CEP95: variants seen among roughly 807,000 people sequenced by gnomAD.
CEP95 encodes centrosomal protein 95.
A neutral mutation model predicts 111.2 loss-of-function variants in CEP95; 98 were observed. The observed-to-expected ratio is 0.88, with a 90% CI of 0.75 to 1.04. The LOEUF (loss-of-function observed/expected upper bound fraction) is 1.04. CEP95 is among the 50% of genes least tolerant of loss of function. The pLI is 0.00. For missense variants in CEP95, 1,027 were observed against 977.2 expected (o/e 1.05, Z -0.68); for synonymous variants, 323 against 327.1 (o/e 0.99, Z 0.14).
At chr17:64,515,911 T>C (rs1272592789) in intron 4 of CEP95, 1 of 152,206 alleles carries the variant, frequency 6.6e-6, no homozygotes, top group East Asian at 1.9e-4. Flanking sequence ...AGGAAGACCA[T>C]GGGTTCAGTG....
At chr17:64,507,348 G>C (rs1568115116) in intron 1 of CEP95, 3 of 1,424,290 alleles carry the variant, frequency 2.1e-6, no homozygotes, top group Non-Finnish European at 2.8e-6. Context: ...GGGCGAGGCC[G>C]GTAGGACACT....
At chr17:64,526,684 G>C (rs2144488241) in intron 10 of CEP95, among the ~76,000 whole-genome samples, 1 of 152,296 alleles carries the variant, frequency 6.6e-6, no homozygotes, top group East Asian at 1.9e-4. Context: ...ATGTATGCCA[G>C]GTGTGGTGGC....
rs1555679063 is a variant in CEP95, at chr17:64,526,139, C to T, written c.1091C>T (p.Thr364Ile). Residue 364 changes from threonine (T) to isoleucine (I), a missense_variant, in exon 10 of 20, where the codon ACA (threonine) becomes ATA (isoleucine). Thr to Ile is a moderately conservative substitution (Grantham distance 89). Coordinates refer to ENST00000556440, the MANE Select transcript of CEP95 (RefSeq NM_138363.3). ...CCCCAGAGGCCAAGAAAGAGATTAA[C>T]AGAACAAGAATTACATGATGTATCA... ...PFPQRPRKRL[T>I]EQELHDVSEK... is the part of the protein sequence containing the mutation. 2 of 1,613,548 alleles carry T rather than the reference C, an allele frequency of 1.2e-6. No homozygotes were observed. Among genetic ancestry groups the T allele is most frequent in the Non-Finnish European group, 1.7e-6 (2 of 1,179,720 alleles).
intron 5 of CEP95, among the ~76,000 whole-genome samples, chr17:64,517,053 T>C (rs1966913537): frequency 6.6e-6 from 1 of 152,086 alleles, no homozygotes; most frequent in Admixed American, 6.6e-5. Context: ...TTTTTCTTTT[T>C]TTTTCTTTTT....
Position 64,521,452 on chromosome 17 carries a change from A to G in CEP95, c.640A>G (p.Ser214Gly), listed in dbSNP as rs201907583. 2 of 1,612,768 alleles carry G rather than the reference A, an allele frequency of 1.2e-6. No individual in the cohort carries two copies. Among genetic ancestry groups the G allele is most frequent in the Non-Finnish European group, 8.5e-7 (1 of 1,178,910 alleles). ...MLSKKALASP[S>G]SKSHEDMLYP... ...GTCTAAAAAAGCCTTAGCCTCACCA[A>G]GTTCTAAATCACATGAAGATATGTT... Residue 214 changes from serine to glycine, a missense_variant, in exon 7 of 20, where the codon AGT becomes GGT. Coordinates refer to ENST00000556440, the MANE Select transcript of CEP95 (RefSeq NM_138363.3).
At chr17:64,521,932 C>T (rs1346143620) in intron 7 of CEP95, among the ~76,000 whole-genome samples, 1 of 152,152 alleles carries the variant, frequency 6.6e-6, no homozygotes, top group Non-Finnish European at 1.5e-5. Context: ...TCTCGGCTCA[C>T]TGCAACCTCC....
chr17:64,507,733 G>A (rs1370736321), intron 1 of CEP95: 1 of 985,690 alleles, frequency 1.0e-6, no homozygotes, highest in Non-Finnish European at 1.2e-6. Flanking sequence ...CGTGGGGAGG[G>A]GGATTATGTG....
chr17:64,510,109 AG>A (rs1358372267), intron 2 of CEP95, 63 bp from the exon 3 acceptor site: 30 of 844,092 alleles, frequency 3.6e-5, no homozygotes, highest in Non-Finnish European at 5.8e-5. Flanking sequence ...GCCTAGTCAG[AG>A]ACAATGAGAT....
intron 14 of CEP95, 140 bp downstream of exon 14, chr17:64,532,162 T>TG (rs1968327336): frequency 2.2e-6 from 3 of 1,362,514 alleles, no homozygotes; most frequent in Non-Finnish European, 2.8e-6. Flanking sequence ...CACTGCCATG[T>TG]GGCTGGTTTT....
chr17:64,522,431 C>G (rs1338204486), intron 7 of CEP95, among the ~76,000 whole-genome samples: 1 of 151,440 alleles, frequency 6.6e-6, no homozygotes, highest in Admixed American at 6.6e-5. Context: ...CACTTGAGCC[C>G]AGGAGTTGGA....
intron 6 of CEP95, among the ~76,000 whole-genome samples, chr17:64,519,709 A>T (rs1218721482): frequency 6.6e-6 from 1 of 152,202 alleles, no homozygotes; most frequent in African/African-American, 2.4e-5. Context: ...GATGCAGCTT[A>T]TAGTCTGGTC....
At chr17:64,508,751 C>G (rs1555673854) in intron 2 of CEP95, 31 bp downstream of exon 2, 1 of 1,300,384 alleles carries the variant, frequency 7.7e-7, no homozygotes, top group Admixed American at 2.9e-5. Flanking sequence ...AGTAATTTTG[C>G]CTATATCTTA....
chr17:64,537,853 C>A lies in CEP95; in HGVS notation c.*74C>A. ...ACAGAGCTAGAATCGAGCCAGTAAA[C>A]AGTCTAAGCCAGAAAAATAATTTTC... On this transcript the variant is annotated 3_prime_UTR_variant, in exon 20 of 20. Transcript: ENST00000556440. 1.3e-6 allele frequency: 1 copy of A among 749,690 alleles called. No individual in the cohort carries two copies. The highest frequency in any genetic ancestry group is 1.9e-6 in the Non-Finnish European group (1 of 525,732). 46.4% of individuals were successfully genotyped at this position (749,690 alleles called of 1,614,324 possible). A position where few individuals can be genotyped will look rare whatever the true frequency, so the allele number is the denominator to read the frequency against.
At chr17:64,507,907 C>T (rs1458095350) in intron 1 of CEP95, 1 of 985,388 alleles carries the variant, frequency 1.0e-6, no homozygotes, top group Non-Finnish European at 1.2e-6. Context: ...AACCGTTAAA[C>T]TTTGCAAATC....
chr17:64,507,704 G>T, intron 1 of CEP95: 1 of 985,962 alleles, frequency 1.0e-6, no homozygotes, highest in Non-Finnish European at 1.2e-6. Context: ...TCATGGTTTG[G>T]CCAGCTGTGA....
At position 64,532,281 on chromosome 17, in the gene CEP95, C is replaced by T. The variant is rs1268278602; in HGVS notation, c.1672+259C>T. The T allele has an allele frequency of 7.5e-6, 9 of 1,193,608 alleles. No individual in the cohort carries two copies. The African/African-American group carries it at 1.3e-4, about 17-fold the overall frequency. The allele number at this position is 1,193,608 out of a possible 1,614,324, so 73.9% of individuals were successfully genotyped here. A position where few individuals can be genotyped will look rare whatever the true frequency, so the allele number is the denominator to read the frequency against. The stretch of plus-strand genomic sequence containing the variant: ...CTGCTGCTCCAGCGTTAGCCTCACT[C>T]GTGTGCTTACTCACTTTGACTGCCT... On this transcript the variant is annotated intron_variant, in intron 14 of 19. Coordinates refer to ENST00000556440, the MANE Select transcript of CEP95 (RefSeq NM_138363.3).
At chr17:64,506,972 G>C, upstream of CEP95, 1 of 1,040,976 alleles carries the variant, frequency 9.6e-7, no homozygotes, top group South Asian at 1.4e-5. Context: ...CTTCTTTCAC[G>C]CCTCCTTCCC....
intron 19 of CEP95, 194 bp downstream of exon 19, chr17:64,537,306 G>A: frequency 1.4e-6 from 2 of 1,396,848 alleles, no homozygotes; most frequent in South Asian, 1.7e-5. Flanking sequence ...TGCATTTCTT[G>A]GAACATATCT....
In CEP95 at chr17:64,516,754, TC is replaced by T. The variant is rs1555676385; in HGVS notation, c.400del (p.Arg134GlufsTer60). The T allele has an allele frequency of 6.2e-7, 1 of 1,612,200 alleles. No individual in the cohort carries two copies. Among genetic ancestry groups the T allele is most frequent in the Admixed American group, 1.7e-5 (1 of 59,988 alleles). On this transcript the variant is annotated frameshift_variant, in exon 5 of 20. Transcript: ENST00000556440. LOFTEE classifies it high-confidence loss of function. ...CTGAACAGTATTTTAAAGAATCTGA[TC>T]GAGGAGAACGTTTGGAAGAGCCAGA... ...ETEQYFKESD[R>X]GERLEEPEST...
Sources: allele counts gnomAD v4.1 joint callset (sites outside exome capture counted in the v4.1 genomes callset), GRCh38; gene constraint gnomAD v4.1.1; transcripts MANE v1.5; gene names NCBI Gene and HGNC (gene_info 2026-07-23, HGNC 2026-07-21).